TENM3: variants seen among roughly 807,000 people sequenced by gnomAD.
TENM3 encodes teneurin-3.
In TENM3, 63 loss-of-function variants were observed where a neutral mutation model predicts 255.1. That is an observed-to-expected ratio of 0.25 (90% CI 0.20 to 0.30). The LOEUF (loss-of-function observed/expected upper bound fraction) is 0.30, where lower values mean the gene tolerates loss of function less well. Among genes scored for constraint, TENM3 ranks in the 10% least tolerant of loss-of-function variants. The pLI, the probability that TENM3 is intolerant of heterozygous loss-of-function variation, is 1.00. For missense variants in TENM3, 2,929 were observed against 3,461.1 expected (o/e 0.85, Z 3.86); for synonymous variants, 1,306 against 1,322.3 (o/e 0.99, Z 0.27).
the TENM3 span, among the ~76,000 whole-genome samples, chr4:181,852,681 A>G: frequency 6.6e-6 from 1 of 152,252 alleles, no homozygotes; most frequent in African/African-American, 2.4e-5. Context: ...AAACAACTCA[A>G]AAGAACAATA....
chr4:182,695,480 T>C (rs775318150), intron 12 of TENM3, among the ~76,000 whole-genome samples: 2 of 152,186 alleles, frequency 1.3e-5, no homozygotes, highest in African/African-American at 2.4e-5. Flanking sequence ...AGAATTCCGA[T>C]AAGGAGAATT....
At position 182,406,033 on chromosome 4, in the gene TENM3, T is replaced by C. The variant is rs73869973; in HGVS notation, c.511+59104T>C. Among the ~76,000 whole-genome samples, 1,044 of 152,286 alleles carry C rather than the reference T, an allele frequency of 6.9e-3. 13 individuals are homozygous for C. Among genetic ancestry groups the C allele is most frequent in the African/African-American group, 0.023 (959 of 41,550 alleles). ...GGACGAACTGGACTCACACTGGGCA[T>C]GGTGGTTCACGCCTGTAATCCCACC... On this transcript the variant is annotated intron_variant, in intron 3 of 27. Transcript: ENST00000511685.
chr4:182,324,764 C>T (rs1054859896), intron 2 of TENM3, among the ~76,000 whole-genome samples: 7 of 152,210 alleles, frequency 4.6e-5, no homozygotes, highest in Admixed American at 6.5e-5. Context: ...AAGCCTGCCA[C>T]GGAAAGGTTC....
chr4:181,737,277 G>C, the TENM3 span, among the ~76,000 whole-genome samples: 1 of 152,120 alleles, frequency 6.6e-6, no homozygotes, highest in Non-Finnish European at 1.5e-5. Context: ...AAACAAAAAA[G>C]TTCTCATTCA....
intron 22 of TENM3, among the ~76,000 whole-genome samples, chr4:182,757,804 G>A (rs1403490309): frequency 6.6e-5 from 10 of 152,018 alleles, no homozygotes; most frequent in Non-Finnish European, 1.2e-4. Flanking sequence ...AAGAATGAAA[G>A]ATTTTAATTA....
At position 182,485,095 on chromosome 4, in the gene TENM3, C is replaced by T. The variant is rs185588894; in HGVS notation, c.512-115829C>T. ...CCTATAAATAAAGGTATACCATGTT[C>T]CTTGCAGGCACTGAAAAATTGTGGT... On this transcript the variant is annotated intron_variant, in intron 3 of 27. Transcript: ENST00000511685. 1.2e-3 allele frequency among the ~76,000 whole-genome samples: 181 copies of T among 152,170 alleles called. 1 individual carries two copies. The Middle Eastern group carries it at 0.014, about 11-fold the overall frequency.
At chr4:182,594,246 C>A (rs1469384699) in intron 3 of TENM3, among the ~76,000 whole-genome samples, 1 of 152,204 alleles carries the variant, frequency 6.6e-6, no homozygotes, top group Non-Finnish European at 1.5e-5. Flanking sequence ...CTCACACAAT[C>A]TTCCTGCCTC....
the TENM3 span, among the ~76,000 whole-genome samples, chr4:182,108,185 G>A: frequency 2.0e-5 from 3 of 152,108 alleles, no homozygotes; most frequent in Non-Finnish European, 4.4e-5. Flanking sequence ...CCAGCTCTCA[G>A]CCACCTACAT....
At chr4:181,549,713 C>T in the TENM3 span, among the ~76,000 whole-genome samples, 2 of 152,298 alleles carry the variant, frequency 1.3e-5, no homozygotes, top group African/African-American at 4.8e-5. Context: ...CCCATTTCCT[C>T]CACTGGATCC....
chr4:182,717,925 C>G (rs68069135), intron 13 of TENM3, among the ~76,000 whole-genome samples: 15,072 of 152,180 alleles, frequency 0.099, 1,072 homozygotes, highest in Admixed American at 0.13. Context: ...GCTGCTCACT[C>G]CTGAAGGAAG....
chr4:182,448,284 G>C (rs1435105718), intron 3 of TENM3, among the ~76,000 whole-genome samples: 2 of 152,294 alleles, frequency 1.3e-5, no homozygotes, highest in East Asian at 3.9e-4. Context: ...GGGCGAGCGC[G>C]GGCTGAGCTG....
At chr4:182,576,986 C>T (rs909300859) in intron 3 of TENM3, among the ~76,000 whole-genome samples, 7 of 152,162 alleles carry the variant, frequency 4.6e-5, no homozygotes, top group African/African-American at 1.7e-4. Flanking sequence ...GCGAGTTCTC[C>T]TACCCTGTCC....
At chr4:182,207,705 AG>A (rs924915160) in intron 1 of TENM3, among the ~76,000 whole-genome samples, 16 of 152,230 alleles carry the variant, frequency 1.1e-4, no homozygotes, top group African/African-American at 3.9e-4. Flanking sequence ...AATATGTAAA[AG>A]CTTGGGAAAA....
At chr4:182,555,618 C>T (rs1345214500) in intron 3 of TENM3, among the ~76,000 whole-genome samples, 1 of 152,014 alleles carries the variant, frequency 6.6e-6, no homozygotes, top group African/African-American at 2.4e-5. Context: ...ACTAAACAGC[C>T]TTACAAATAA....
intron 1 of TENM3, among the ~76,000 whole-genome samples, chr4:182,319,069 A>T (rs1446475387): frequency 6.6e-6 from 1 of 152,164 alleles, no homozygotes; most frequent in African/African-American, 2.4e-5. Context: ...AGCCTGGCCA[A>T]TCAAAAGGTT....
At chr4:182,518,155 T>C (rs1233981047) in intron 3 of TENM3, among the ~76,000 whole-genome samples, 2 of 152,158 alleles carry the variant, frequency 1.3e-5, no homozygotes, top group Non-Finnish European at 2.9e-5. Context: ...ATAAAAGTCT[T>C]TGGGAATCTT....
intron 3 of TENM3, among the ~76,000 whole-genome samples, chr4:182,584,932 G>T (rs372053610): frequency 4.6e-5 from 7 of 152,192 alleles, no homozygotes; most frequent in African/African-American, 1.7e-4. Flanking sequence ...GTGAGCCACC[G>T]TGCCCAGCTG....
intron 3 of TENM3, among the ~76,000 whole-genome samples, chr4:182,509,001 A>T (rs565193603): frequency 6.6e-6 from 1 of 152,306 alleles, no homozygotes; most frequent in South Asian, 2.1e-4. Context: ...TAATTCCCTA[A>T]TGTTTGCTTC....
chr4:182,736,701 C>A, intron 16 of TENM3, 107 bp from the exon 17 acceptor site: 2 of 1,079,340 alleles, frequency 1.9e-6, no homozygotes, highest in Non-Finnish European at 2.6e-6. Context: ...AACTAAGACA[C>A]AGAGAGTCAC....
Sources: allele counts gnomAD v4.1 joint callset (sites outside exome capture counted in the v4.1 genomes callset), GRCh38; gene constraint gnomAD v4.1.1; transcripts MANE v1.5; gene names NCBI Gene and HGNC (gene_info 2026-07-23, HGNC 2026-07-21).